CACNB2: variants seen among roughly 807,000 people sequenced by gnomAD.
CACNB2 encodes the protein voltage-dependent L-type calcium channel subunit beta-2.
A neutral mutation model predicts 73.3 loss-of-function variants in CACNB2; 42 were observed. That is an observed-to-expected ratio of 0.57 (90% CI 0.45 to 0.74). The LOEUF (loss-of-function observed/expected upper bound fraction) is 0.74, where lower values mean the gene tolerates loss of function less well. Among genes scored for constraint, CACNB2 ranks in the 30% least tolerant of loss-of-function variants. The probability of loss-of-function intolerance (pLI) is 0.00; values close to 1 mark genes in which losing one functional copy is unlikely to be tolerated. For synonymous variants in CACNB2, 348 were observed against 310.3 expected (o/e 1.12, Z -1.28); for missense variants, 940 against 853.0 (o/e 1.10, Z -1.27).
intron 2 of CACNB2, among the ~76,000 whole-genome samples, chr10:18,201,275 C>CTTT (rs11381087): frequency 4.3e-5 from 6 of 138,670 alleles, no homozygotes; most frequent in Non-Finnish European, 6.2e-5. Flanking sequence ...GGTCCAGTAT[C>CTTT]TTTTTTTTTT....
intron 2 of CACNB2, among the ~76,000 whole-genome samples, chr10:18,217,698 A>G (rs1200352396): frequency 1.3e-5 from 2 of 151,514 alleles, no homozygotes; most frequent in Non-Finnish European, 2.9e-5. Context: ...ATCTAGGAGA[A>G]CATTCCAAGC....
At chr10:18,223,513 G>T (rs180849379) in intron 2 of CACNB2, among the ~76,000 whole-genome samples, 1 of 152,060 alleles carries the variant, frequency 6.6e-6, no homozygotes, top group Non-Finnish European at 1.5e-5. Flanking sequence ...AGGAGCAATC[G>T]TTATAGTAAA....
At chr10:18,268,855 T>C (rs1403930368) in intron 2 of CACNB2, among the ~76,000 whole-genome samples, 1 of 152,148 alleles carries the variant, frequency 6.6e-6, no homozygotes, top group East Asian at 1.9e-4. Flanking sequence ...AAGTAATTCA[T>C]AAATGGAGGA....
At chr10:18,286,516 T>TTA (rs2038805991) in intron 2 of CACNB2, among the ~76,000 whole-genome samples, 2 of 26,944 alleles carry the variant, frequency 7.4e-5, no homozygotes, top group African/African-American at 1.3e-4. Context: ...AGATTCTGTC[T>TTA]CAAAAAAAAA....
chr10:18,338,455 A>G (rs747625467), intron 2 of CACNB2, among the ~76,000 whole-genome samples: 2 of 152,186 alleles, frequency 1.3e-5, no homozygotes, highest in African/African-American at 4.8e-5. Context: ...CCTTGTACAC[A>G]TAGGTTCTCA....
At chr10:18,472,117 C>T (rs1212064253) in intron 3 of CACNB2, among the ~76,000 whole-genome samples, 4 of 151,898 alleles carry the variant, frequency 2.6e-5, no homozygotes, top group Non-Finnish European at 2.9e-5. Flanking sequence ...TTTCTCTTCC[C>T]GGCTTTGCTT....
chr10:18,356,141 C>T (rs548750522), intron 2 of CACNB2, among the ~76,000 whole-genome samples: 1 of 152,176 alleles, frequency 6.6e-6, no homozygotes, highest in African/African-American at 2.4e-5. Context: ...CCCTTCCCAC[C>T]TTCCCCGCTG....
chr10:18,220,148 TATATATACACACAC>T (rs1564353387), intron 2 of CACNB2, among the ~76,000 whole-genome samples: 2 of 31,030 alleles, frequency 6.4e-5, no homozygotes, highest in Non-Finnish European at 9.8e-5. Flanking sequence ...TATATATATA[TATATATACACACAC>T]ACACACACAC....
In CACNB2 at chr10:18,520,697, G is replaced by A. The variant is rs140978121; in HGVS notation, c.944+1729G>A. Reference sequence around the variant, plus strand: ...GATTTTCTCTTGCTGCTCTTCCCTCGCTCATTCTCACCCTGCCGTACTTAC... The same window carrying A: ...GATTTTCTCTTGCTGCTCTTCCCTCACTCATTCTCACCCTGCCGTACTTAC... On this transcript the variant is annotated intron_variant, in intron 9 of 13. Transcript: ENST00000324631. 6.7e-4 allele frequency among the ~76,000 whole-genome samples: 102 copies of A among 152,062 alleles called. 1 individual carries two copies. The East Asian group carries it at 0.014, about 21-fold the overall frequency.
chr10:18,324,172 T>A (rs1165677882), intron 2 of CACNB2, among the ~76,000 whole-genome samples: 1 of 152,226 alleles, frequency 6.6e-6, no homozygotes, highest in Non-Finnish European at 1.5e-5. Context: ...TTTCTGTTCA[T>A]GAGGAGCTTC....
intron 3 of CACNB2, among the ~76,000 whole-genome samples, chr10:18,415,711 G>A (rs558367312): frequency 1.3e-5 from 2 of 152,250 alleles, no homozygotes; most frequent in East Asian, 3.9e-4. Flanking sequence ...TGCCATTTTA[G>A]ATTATTTTCA....
At chr10:18,208,877 A>C (rs1292063804) in intron 2 of CACNB2, among the ~76,000 whole-genome samples, 1 of 152,110 alleles carries the variant, frequency 6.6e-6, no homozygotes, top group Non-Finnish European at 1.5e-5. Flanking sequence ...ATTCTAAGGA[A>C]CTGATGCGTA....
At chr10:18,241,089 C>A (rs1444862765) in intron 2 of CACNB2, among the ~76,000 whole-genome samples, 1 of 152,166 alleles carries the variant, frequency 6.6e-6, no homozygotes, top group Non-Finnish European at 1.5e-5. Flanking sequence ...AAACATGCAA[C>A]CATTTGTCTC....
In CACNB2 at chr10:18,423,851, T is replaced by C. The variant is rs947380467; in HGVS notation, c.333+21808T>C. Reference sequence around the variant, plus strand: ...ACCTCATGATTACTGGAAAGAGTTTTTTCTCTTATTTACTGATAAATCTGC... The same window carrying C: ...ACCTCATGATTACTGGAAAGAGTTTCTTCTCTTATTTACTGATAAATCTGC... On this transcript the variant is annotated intron_variant, in intron 3 of 13. Coordinates refer to ENST00000324631, the MANE Select transcript of CACNB2 (RefSeq NM_201596.3). Among the ~76,000 whole-genome samples, 21 of 152,330 alleles carry C rather than the reference T, an allele frequency of 1.4e-4. No individual in the cohort carries two copies. The South Asian group carries it at 2.3e-3, about 17-fold the overall frequency.
chr10:18,432,825 C>G (rs1023924872), intron 3 of CACNB2, among the ~76,000 whole-genome samples: 1 of 136,746 alleles, frequency 7.3e-6, no homozygotes, highest in African/African-American at 3.0e-5. Context: ...CAGAGTCAGC[C>G]CTGTCTAAAA....
chr10:18,443,124 G>A (rs1279611203), intron 3 of CACNB2, among the ~76,000 whole-genome samples: 2 of 149,810 alleles, frequency 1.3e-5, no homozygotes, highest in Non-Finnish European at 3.0e-5. Flanking sequence ...TTTTACTTTA[G>A]CATGCATTTG....
chr10:18,460,056 T>A (rs1218512049), intron 3 of CACNB2, among the ~76,000 whole-genome samples: 1 of 152,214 alleles, frequency 6.6e-6, no homozygotes, highest in Non-Finnish European at 1.5e-5. Context: ...AAGAAAATCA[T>A]ATCTTACATT....
chr10:18,478,672 A>G (rs577539975), intron 3 of CACNB2, among the ~76,000 whole-genome samples: 3 of 152,358 alleles, frequency 2.0e-5, no homozygotes, highest in Admixed American at 1.3e-4. Context: ...TAAGAAGCTT[A>G]TACAGCATCC....
At chr10:18,473,659 C>T (rs541249315) in intron 3 of CACNB2, among the ~76,000 whole-genome samples, 3 of 152,316 alleles carry the variant, frequency 2.0e-5, no homozygotes, top group East Asian at 3.9e-4. Context: ...GCCAGAAATG[C>T]GTGCCTTCTC....
Sources: allele counts gnomAD v4.1 joint callset (sites outside exome capture counted in the v4.1 genomes callset), GRCh38; gene constraint gnomAD v4.1.1; transcripts MANE v1.5; gene names NCBI Gene and HGNC (gene_info 2026-07-23, HGNC 2026-07-21).